Variants in SPOCK3 observed in about 807,000 individuals in gnomAD.
The protein encoded by SPOCK3 is SPARC (osteonectin), cwcv and kazal like domains proteoglycan 3, also known as testican-3.
SPOCK3 carries 30 observed loss-of-function variants against 56.6 expected under a neutral mutation model. The observed-to-expected ratio is 0.53, with a 90% CI of 0.40 to 0.72. SPOCK3 has a LOEUF of 0.72. SPOCK3 is among the 30% of genes least tolerant of loss of function. The pLI, the probability that SPOCK3 is intolerant of heterozygous loss-of-function variation, is 0.00. For missense variants in SPOCK3, 527 were observed against 530.0 expected, an observed-to-expected ratio of 0.99 and a Z score of 0.06; for synonymous variants, 196 against 183.3, an observed-to-expected ratio of 1.07 and a Z score of -0.56.
intron 4 of SPOCK3, among the ~76,000 whole-genome samples, chr4:166,964,774 T>G (rs1744525680): frequency 6.6e-6 from 1 of 151,718 alleles, no homozygotes; most frequent in Non-Finnish European, 1.5e-5. Context: ...GAACTAAAAT[T>G]AAAGAAGTCA....
chr4:167,209,941 G>A (rs554132104), intron 2 of SPOCK3, among the ~76,000 whole-genome samples: 2 of 152,148 alleles, frequency 1.3e-5, no homozygotes, highest in Admixed American at 1.3e-4. Context: ...GGCAGTGAAG[G>A]GGGACATCAC....
At chr4:166,743,316 T>G (rs1735110395) in intron 8 of SPOCK3, among the ~76,000 whole-genome samples, 1 of 152,106 alleles carries the variant, frequency 6.6e-6, no homozygotes, top group Admixed American at 6.6e-5. Context: ...TTTTTAAAAT[T>G]TTATAATACA....
chr4:166,899,823 C>G (rs1234865166), intron 5 of SPOCK3, among the ~76,000 whole-genome samples: 2 of 152,130 alleles, frequency 1.3e-5, no homozygotes, highest in Non-Finnish European at 2.9e-5. Context: ...CCCCTGTTTA[C>G]TATATTTCTT....
At chr4:166,776,110 A>G (rs574521226) in intron 7 of SPOCK3, among the ~76,000 whole-genome samples, 1 of 152,178 alleles carries the variant, frequency 6.6e-6, no homozygotes, top group East Asian at 1.9e-4. Context: ...GAGAGGAGGA[A>G]GCAGATAAAA....
At chr4:166,800,971 G>T (rs1392323967) in intron 6 of SPOCK3, among the ~76,000 whole-genome samples, 1 of 151,972 alleles carries the variant, frequency 6.6e-6, no homozygotes, top group Non-Finnish European at 1.5e-5. Context: ...TATTTTGACT[G>T]TACCTTTTCT....
chr4:167,062,478 A>T lies in SPOCK3; in HGVS notation c.235+14T>A. The stretch of plus-strand genomic sequence containing the variant: ...CATGTAAAGGTTTTTATTTTAAAAT[A>T]GTTAGATTCTTACCCTGATCGAAGG... On this transcript the variant is annotated intron_variant, in intron 3 of 10. Transcript: ENST00000357545. 1 of 1,572,160 alleles carries T rather than the reference A, an allele frequency of 6.4e-7. No homozygotes were observed.
chr4:167,149,841 G>GCA (rs1764270853), intron 2 of SPOCK3, among the ~76,000 whole-genome samples: 1 of 148,570 alleles, frequency 6.7e-6, no homozygotes, highest in East Asian at 2.0e-4. Flanking sequence ...ATATATATAT[G>GCA]TATATATATA....
chr4:166,800,183 G>GAAAAAAAAAAAAAAAAAAAAAAAAAA (rs367811359), intron 6 of SPOCK3, among the ~76,000 whole-genome samples: 5 of 51,786 alleles, frequency 9.7e-5, no homozygotes, highest in Admixed American at 2.5e-4. Context: ...CTCCATCTCA[G>GAAAAAAAAAAAAAAAAAAAAAAAAAA]AAAAAAAAAA....
chr4:167,031,331 C>T (rs1293754621), intron 3 of SPOCK3, among the ~76,000 whole-genome samples: 1 of 151,884 alleles, frequency 6.6e-6, no homozygotes, highest in Non-Finnish European at 1.5e-5. Context: ...TTCACATTTA[C>T]TGAGGGGGAA....
intron 4 of SPOCK3, among the ~76,000 whole-genome samples, chr4:166,980,134 T>C (rs559856136): frequency 2.0e-5 from 3 of 152,352 alleles, no homozygotes; most frequent in South Asian, 2.1e-4. Context: ...TTCATTTTCA[T>C]GGTGAACTTC....
At chr4:166,822,491 T>C (rs1745036059) in intron 6 of SPOCK3, among the ~76,000 whole-genome samples, 1 of 152,066 alleles carries the variant, frequency 6.6e-6, no homozygotes, top group African/African-American at 2.4e-5. Context: ...GATTCACCCA[T>C]AGAAGCAGTT....
At chr4:166,745,134 A>G (rs1387681091) in intron 8 of SPOCK3, among the ~76,000 whole-genome samples, 1 of 152,188 alleles carries the variant, frequency 6.6e-6, no homozygotes, top group Non-Finnish European at 1.5e-5. Context: ...GGATATACAG[A>G]GAACACCACA....
At chr4:167,075,264 T>C (rs1757076795) in intron 2 of SPOCK3, among the ~76,000 whole-genome samples, 1 of 151,658 alleles carries the variant, frequency 6.6e-6, no homozygotes, top group Non-Finnish European at 1.5e-5. Context: ...ACATGCAAAA[T>C]ACAAAGGCAA....
At chr4:167,080,279 G>A (rs932318338) in intron 2 of SPOCK3, among the ~76,000 whole-genome samples, 1 of 152,074 alleles carries the variant, frequency 6.6e-6, no homozygotes, top group African/African-American at 2.4e-5. Context: ...GAGGAAGTGA[G>A]AAGGCATAAG....
intron 3 of SPOCK3, among the ~76,000 whole-genome samples, chr4:167,058,596 A>G (rs1300079866): frequency 6.6e-6 from 1 of 152,170 alleles, no homozygotes; most frequent in African/African-American, 2.4e-5. Flanking sequence ...TATAGATTCA[A>G]TGCCATCCCC....
chr4:166,834,410 T>C (rs1746399355), intron 6 of SPOCK3, among the ~76,000 whole-genome samples: 1 of 152,188 alleles, frequency 6.6e-6, no homozygotes, highest in East Asian at 1.9e-4. Context: ...AAATTCAGTT[T>C]ATTTGATGGC....
intron 3 of SPOCK3, 149 bp from the exon 4 acceptor site, chr4:167,000,612 T>C: frequency 1.9e-6 from 1 of 533,646 alleles, no homozygotes; most frequent in Non-Finnish European, 3.3e-6. Flanking sequence ...AACTTCTGCT[T>C]CTACCCACAT....
At chr4:166,738,896 T>A (rs1246794389) in intron 9 of SPOCK3, among the ~76,000 whole-genome samples, 1 of 152,064 alleles carries the variant, frequency 6.6e-6, no homozygotes, top group Non-Finnish European at 1.5e-5. Context: ...TGGTTCCAAG[T>A]CTTTGCTATT....
chr4:166,990,671 A>G (rs1330721908), intron 4 of SPOCK3, among the ~76,000 whole-genome samples: 2 of 152,102 alleles, frequency 1.3e-5, no homozygotes, highest in African/African-American at 2.4e-5. Context: ...GCTCTAATTT[A>G]CCCAAAATGT....
Sources: gnomAD v4.1 joint callset for allele counts (sites outside exome capture counted in the v4.1 genomes callset) on GRCh38, gnomAD v4.1.1 for gene constraint, MANE v1.5 for transcripts, NCBI Gene and HGNC (gene_info 2026-07-23, HGNC 2026-07-21) for gene names.